ATL1: variants seen among roughly 807,000 people sequenced by gnomAD.
ATL1 encodes atlastin GTPase 1, also known as atlastin-1.
Under a neutral mutation model 75.5 loss-of-function variants are expected in ATL1, and 31 were observed. The ratio of observed to expected loss-of-function variants is 0.41; its 90% CI spans 0.31 to 0.55. The LOEUF (loss-of-function observed/expected upper bound fraction) is 0.55. Ranked by LOEUF, ATL1 falls within the 20% of genes least tolerant of loss-of-function variation. ATL1 has a pLI of 0.27. For synonymous variants in ATL1, 226 were observed against 233.3 expected, an observed-to-expected ratio of 0.97 and a Z score of 0.28; for missense variants, 405 against 662.6, an observed-to-expected ratio of 0.61 and a Z score of 4.27.
In ATL1 at chr14:50,632,335, T is replaced by C. The variant is rs1351389277; in HGVS notation, c.1673T>C (p.Met558Thr). 3 of 1,600,596 alleles carry C rather than the reference T, an allele frequency of 1.9e-6. No individual in the cohort carries two copies. Among genetic ancestry groups the C allele is most frequent in the African/African-American group, 2.7e-5 (2 of 74,598 alleles). ...ACTGAACAATCAGAAAAGAAAAAAA[T>C]GTAATGCAAATTTTAAGAAATACAG... ...ESTEQSEKKK[M>T] The change falls in exon 14 of 14, where the codon ATG becomes ACG. Residue 558 changes from methionine to threonine, a missense_variant. Physicochemically the swap from Met to Thr is moderately conservative, Grantham distance 81 (BLOSUM62 -1). Transcript: ENST00000358385.
At chr14:50,611,613 G>C (rs1042795307) in intron 6 of ATL1, among the ~76,000 whole-genome samples, 2 of 151,978 alleles carry the variant, frequency 1.3e-5, no homozygotes, top group South Asian at 4.1e-4. Flanking sequence ...CAAAAGACCT[G>C]ATCAGCCTCT....
intron 1 of ATL1, among the ~76,000 whole-genome samples, chr14:50,567,417 T>A (rs946025358): frequency 6.6e-6 from 1 of 152,212 alleles, no homozygotes; most frequent in East Asian, 1.9e-4. Flanking sequence ...ATGATGCTTC[T>A]ATGAACATGG....
At chr14:50,617,601 C>A (rs543449568) in intron 8 of ATL1, among the ~76,000 whole-genome samples, 2 of 152,206 alleles carry the variant, frequency 1.3e-5, no homozygotes, top group African/African-American at 4.8e-5. Flanking sequence ...CTGTGGAGTT[C>A]TTATAAAGCA....
intron 6 of ATL1, among the ~76,000 whole-genome samples, chr14:50,609,154 T>C (rs545041225): frequency 6.6e-6 from 1 of 152,110 alleles, no homozygotes; most frequent in Non-Finnish European, 1.5e-5. Context: ...CATGTAAAAA[T>C]CCAAGGAATA....
intron 1 of ATL1, among the ~76,000 whole-genome samples, chr14:50,554,758 G>A (rs2140165254): frequency 6.6e-6 from 1 of 152,310 alleles, no homozygotes; most frequent in East Asian, 1.9e-4. Flanking sequence ...GAGCTATCCT[G>A]CTGCTGCCCA....
At chr14:50,590,829 T>C (rs2039148880) in intron 2 of ATL1, 112 bp from the exon 3 acceptor site, 6 of 1,099,880 alleles carry the variant, frequency 5.5e-6, no homozygotes, top group Non-Finnish European at 8.1e-6. Flanking sequence ...TAGATGTGCA[T>C]ATGTTGTTTC....
chr14:50,560,496 T>C, intron 1 of ATL1, 197 bp downstream of exon 1: 1 of 694,892 alleles, frequency 1.4e-6, no homozygotes, highest in South Asian at 1.8e-5. Flanking sequence ...AATCGCGCTG[T>C]CGGGGTGAGG....
chr14:50,598,862 T>A (rs1284771005), intron 6 of ATL1, among the ~76,000 whole-genome samples: 1 of 149,114 alleles, frequency 6.7e-6, no homozygotes, highest in East Asian at 1.9e-4. Flanking sequence ...AATAAATGGG[T>A]TAATAGTTGG....
rs533376430 is a variant in ATL1 at position 50,614,364 on chromosome 14, T to G, written c.724-9T>G. The G allele has an allele frequency of 5.6e-6, 9 of 1,613,894 alleles. No individual in the cohort carries two copies. In the South Asian group the frequency reaches 8.8e-5, roughly 16 times the overall value. On this transcript the variant is annotated splice_polypyrimidine_tract_variant and intron_variant, in intron 7 of 13. Coordinates refer to ENST00000358385, the MANE Select transcript of ATL1 (RefSeq NM_015915.5). ...AAAGTAGTTTAAACTTCAGAATGAT[T>G]TACTGCAGGTCTCAGGGAACCAGCA...
At chr14:50,581,101 T>G (rs990369089) in intron 1 of ATL1, among the ~76,000 whole-genome samples, 2 of 151,934 alleles carry the variant, frequency 1.3e-5, no homozygotes, top group Non-Finnish European at 2.9e-5. Context: ...AGTCTTATAT[T>G]ATTAAGTTAA....
At chr14:50,580,261 G>C (rs1290407030) in intron 1 of ATL1, among the ~76,000 whole-genome samples, 1 of 152,142 alleles carries the variant, frequency 6.6e-6, no homozygotes, top group South Asian at 2.1e-4. Context: ...GCAGGTTTGC[G>C]TCTGAACACG....
intron 11 of ATL1, among the ~76,000 whole-genome samples, chr14:50,624,781 A>T (rs8011264): frequency 0.8 from 121,652 of 151,946 alleles, 49,612 homozygotes; most frequent in African/African-American, 0.93. Flanking sequence ...TTAAAAATGC[A>T]ACTCCAGGCT....
At chr14:50,629,086 T>A (rs778139454) in intron 12 of ATL1, among the ~76,000 whole-genome samples, 2 of 152,256 alleles carry the variant, frequency 1.3e-5, no homozygotes, top group Non-Finnish European at 2.9e-5. Context: ...TAGCTAATTA[T>A]GACTTGTGTT....
intron 1 of ATL1, among the ~76,000 whole-genome samples, chr14:50,539,354 T>C (rs1006300584): frequency 3.3e-5 from 5 of 152,152 alleles, no homozygotes; most frequent in African/African-American, 1.2e-4. Flanking sequence ...TCTGTGAGAG[T>C]ACATGAAAAC....
At chr14:50,555,618 C>G (rs2038756734), upstream of ATL1, among the ~76,000 whole-genome samples, 1 of 152,152 alleles carries the variant, frequency 6.6e-6, no homozygotes, top group Non-Finnish European at 1.5e-5. Context: ...GGTATTATCC[C>G]TGGATGGCTT....
intron 1 of ATL1, among the ~76,000 whole-genome samples, chr14:50,539,453 C>T (rs1287682363): frequency 1.3e-5 from 2 of 152,166 alleles, no homozygotes; most frequent in Non-Finnish European, 2.9e-5. Context: ...CATTATCTCT[C>T]ATAGCTAAGG....
intron 2 of ATL1, among the ~76,000 whole-genome samples, chr14:50,588,631 G>A (rs1387299740): frequency 1.1e-4 from 16 of 152,126 alleles, no homozygotes; most frequent in Admixed American, 9.8e-4. Context: ...GCTCACGCCT[G>A]TAATCCCAGC....
rs146340852 is a variant in ATL1, at chr14:50,612,053, GA to G, written c.631-1203del. On this transcript the variant is annotated intron_variant, in intron 6 of 13. Coordinates refer to ENST00000358385, the MANE Select transcript of ATL1 (RefSeq NM_015915.5). ...GAATTAATCATTATTCACATAATGG[GA>G]AATTGCGCAGTAATGACTATGAATT... Among the ~76,000 whole-genome samples, 11 of 152,228 alleles carry G rather than the reference GA, an allele frequency of 7.2e-5. No homozygotes were observed. In the East Asian group the frequency reaches 1.9e-3, roughly 27 times the overall value.
At chr14:50,616,349 T>C (rs2039415112) in intron 8 of ATL1, among the ~76,000 whole-genome samples, 1 of 152,128 alleles carries the variant, frequency 6.6e-6, no homozygotes, top group Admixed American at 6.5e-5. Flanking sequence ...CAGGCTGGAG[T>C]GCAGCGGTGT....
Sources: gnomAD v4.1 joint callset for allele counts (sites outside exome capture counted in the v4.1 genomes callset) on GRCh38, gnomAD v4.1.1 for gene constraint, MANE v1.5 for transcripts, NCBI Gene and HGNC (gene_info 2026-07-23, HGNC 2026-07-21) for gene names.